AP1G1: variants seen among roughly 807,000 people sequenced by gnomAD.
AP1G1 encodes the protein AP-1 complex subunit gamma-1.
AP1G1 carries 7 observed loss-of-function variants against 108.3 expected under a neutral mutation model. The observed-to-expected ratio is 0.06, with a 90% CI of 0.04 to 0.12. The LOEUF is 0.12. AP1G1 is among the 10% of genes least tolerant of loss of function. The pLI, the probability that AP1G1 is intolerant of heterozygous loss-of-function variation, is 1.00. For missense variants in AP1G1, 756 were observed against 1,010.7 expected (o/e 0.75, Z 3.42); for synonymous variants, 379 against 353.5 (o/e 1.07, Z -0.81).
At chr16:71,808,280 G>A (rs939988144) in intron 1 of AP1G1, 6 of 906,154 alleles carry the variant, frequency 6.6e-6, no homozygotes, top group Non-Finnish European at 8.5e-6. Flanking sequence ...CCGATGTCCG[G>A]TTCCGAGAGG....
At chr16:71,751,648 T>C (rs889914570) in intron 13 of AP1G1, among the ~76,000 whole-genome samples, 1 of 152,104 alleles carries the variant, frequency 6.6e-6, no homozygotes, top group African/African-American at 2.4e-5. Flanking sequence ...GTGCATTAAA[T>C]ACAAGAAAGC....
intron 6 of AP1G1, among the ~76,000 whole-genome samples, chr16:71,765,989 C>T (rs1326126565): frequency 6.6e-6 from 1 of 152,132 alleles, no homozygotes; most frequent in Admixed American, 6.5e-5. Context: ...TGTAACATGT[C>T]ATCATGCCAA....
At chr16:71,785,377 A>C (rs2032161354) in intron 2 of AP1G1, among the ~76,000 whole-genome samples, 1 of 151,306 alleles carries the variant, frequency 6.6e-6, no homozygotes, top group South Asian at 2.1e-4. Flanking sequence ...GGAGTTCAAG[A>C]CTAGTCTGGA....
intron 15 of AP1G1, among the ~76,000 whole-genome samples, chr16:71,749,116 C>T (rs182070895): frequency 6.6e-6 from 1 of 152,114 alleles, no homozygotes; most frequent in African/African-American, 2.4e-5. Context: ...ACTGTGTTAG[C>T]CAGGATGGTC....
intron 2 of AP1G1, among the ~76,000 whole-genome samples, chr16:71,778,352 G>A (rs143904134): frequency 6.6e-6 from 1 of 152,176 alleles, no homozygotes; most frequent in African/African-American, 2.4e-5. Context: ...TAAGTGGCCA[G>A]CCATAGTGCT....
chr16:71,774,314 G>A, intron 3 of AP1G1, 154 bp downstream of exon 3: 1 of 712,608 alleles, frequency 1.4e-6, no homozygotes, highest in Admixed American at 3.8e-5. Flanking sequence ...ACTGGCAGTT[G>A]GGGGAGGACG....
chr16:71,783,186 G>T (rs1226161016), intron 2 of AP1G1, among the ~76,000 whole-genome samples: 2 of 152,072 alleles, frequency 1.3e-5, no homozygotes, highest in African/African-American at 4.8e-5. Flanking sequence ...TAACAAGAGT[G>T]GCTATTATCA....
chr16:71,767,801 A>G, intron 6 of AP1G1: 3 of 1,408,502 alleles, frequency 2.1e-6, no homozygotes, highest in Non-Finnish European at 3.0e-6. Context: ...TAAAAGCCAC[A>G]TTTGTGGATC....
At chr16:71,738,705 T>C (rs1597033566) in intron 21 of AP1G1, among the ~76,000 whole-genome samples, 2 of 152,262 alleles carry the variant, frequency 1.3e-5, no homozygotes, top group South Asian at 4.1e-4. Context: ...CTCACTACTA[T>C]TAGAATTGTT....
chr16:71,802,133 C>T (rs1336206764), intron 1 of AP1G1, among the ~76,000 whole-genome samples: 1 of 152,118 alleles, frequency 6.6e-6, no homozygotes, highest in African/African-American at 2.4e-5. Flanking sequence ...AATGATTATA[C>T]AGTTGTACAA....
intron 6 of AP1G1, among the ~76,000 whole-genome samples, chr16:71,768,274 G>A (rs893825778): frequency 6.0e-5 from 9 of 150,216 alleles, no homozygotes; most frequent in Non-Finnish European, 1.2e-4. Flanking sequence ...GAGGCGGGTG[G>A]ATCACCTGAG....
chr16:71,768,659 T>C (rs1386640793), intron 6 of AP1G1, among the ~76,000 whole-genome samples: 1 of 151,492 alleles, frequency 6.6e-6, no homozygotes, highest in Non-Finnish European at 1.5e-5. Flanking sequence ...CTCACGCCTG[T>C]AATCACAGCA....
chr16:71,771,308 C>A, intron 4 of AP1G1, 56 bp from the exon 5 acceptor site: 1 of 1,036,274 alleles, frequency 9.6e-7, no homozygotes. Flanking sequence ...CCAGGGCAAC[C>A]AATCTTATTA....
intron 1 of AP1G1, among the ~76,000 whole-genome samples, chr16:71,790,148 G>GTTAACA (rs2032345269): frequency 1.3e-5 from 2 of 151,072 alleles, no homozygotes; most frequent in South Asian, 4.2e-4. Flanking sequence ...CTAAATAATT[G>GTTAACA]TTAACAAACA....
intron 1 of AP1G1, among the ~76,000 whole-genome samples, chr16:71,796,521 C>A (rs532404214): frequency 1.9e-4 from 29 of 152,236 alleles, no homozygotes; most frequent in African/African-American, 6.7e-4. Context: ...GCATATCCCC[C>A]CCTTGTGAAT....
intron 1 of AP1G1, among the ~76,000 whole-genome samples, chr16:71,800,042 A>G (rs1597091640): frequency 1.3e-5 from 2 of 151,542 alleles, no homozygotes; most frequent in East Asian, 3.9e-4. Flanking sequence ...GCAACATAGC[A>G]AAATGTCATC....
chr16:71,764,107 T>C lies in AP1G1; in HGVS notation c.918+243A>G, dbSNP rs144007477. 2.6e-3 allele frequency among the ~76,000 whole-genome samples: 402 copies of C among 152,322 alleles called. 1 individual carries two copies. The highest frequency in any genetic ancestry group is 8.8e-3 in the African/African-American group (365 of 41,570). On this transcript the variant is annotated intron_variant, in intron 9 of 22. Coordinates refer to ENST00000299980, the MANE Select transcript of AP1G1 (RefSeq NM_001128.6). ...AAATGATCAAGGTTAACGTCACCAA[T>C]GATAAGACAAATATATCTACTATAT... is the stretch of plus-strand genomic sequence containing the variant.
In AP1G1 at chr16:71,787,697, T is replaced by C. The variant is rs190162231; in HGVS notation, c.201+1582A>G. ...ACCGATCAACAAGAACACGTAGGCA[T>C]CTATTTGCTTTATACTATGACACAC... On this transcript the variant is annotated intron_variant, in intron 2 of 22. Coordinates refer to ENST00000299980, the MANE Select transcript of AP1G1 (RefSeq NM_001128.6). Among the ~76,000 whole-genome samples the C allele has an allele frequency of 3.3e-5, 5 of 152,282 alleles. No homozygotes were observed. The East Asian group carries it at 9.6e-4, about 29-fold the overall frequency.
At chr16:71,739,559 A>C (rs978447842) in intron 19 of AP1G1, among the ~76,000 whole-genome samples, 2 of 151,938 alleles carry the variant, frequency 1.3e-5, no homozygotes, top group Non-Finnish European at 1.5e-5. Context: ...GTACAGTCTG[A>C]GCAACATGGC....
Sources: allele counts gnomAD v4.1 joint callset (sites outside exome capture counted in the v4.1 genomes callset), GRCh38; gene constraint gnomAD v4.1.1; transcripts MANE v1.5; gene names NCBI Gene and HGNC (gene_info 2026-07-23, HGNC 2026-07-21).